AGBL1: variants seen among roughly 807,000 people sequenced by gnomAD.
AGBL1 encodes AGBL carboxypeptidase 1.
Under a neutral mutation model 118.9 loss-of-function variants are expected in AGBL1, and 130 were observed. The ratio of observed to expected loss-of-function variants is 1.09; its 90% CI spans 0.95 to 1.26. AGBL1 has a LOEUF of 1.26. AGBL1 is among the 50% of genes most tolerant of loss of function. AGBL1 has a pLI of 0.00. For synonymous variants in AGBL1, 555 were observed against 478.9 expected (o/e 1.16, Z -2.08); for missense variants, 1,584 against 1,298.1 (o/e 1.22, Z -3.38).
chr15:86,096,808 A>G (rs1290002692), intron 1 of AGBL1, among the ~76,000 whole-genome samples: 2 of 152,126 alleles, frequency 1.3e-5, no homozygotes, highest in Non-Finnish European at 2.9e-5. Flanking sequence ...GTATAGTCCT[A>G]CCCTATGTCC....
chr15:86,740,410 G>T (rs2077660851), intron 22 of AGBL1, among the ~76,000 whole-genome samples: 1 of 152,096 alleles, frequency 6.6e-6, no homozygotes, highest in South Asian at 2.1e-4. Context: ...TAAAATTGTT[G>T]CCAGGTATGC....
At position 86,353,843 on chromosome 15, in the gene AGBL1, C is replaced by T. The variant is rs375303742; in HGVS notation, c.2375-43523C>T. 1.2e-4 allele frequency among the ~76,000 whole-genome samples: 19 copies of T among 152,176 alleles called. No individual in the cohort carries two copies. In the East Asian group the frequency reaches 2.5e-3, roughly 20 times the overall value. Reference sequence around the variant, plus strand: ...CAAAAAACACCCGAGAGATGAGAGTCGTATGAGAACCCAATCATTTAGTTA... The same window carrying T: ...CAAAAAACACCCGAGAGATGAGAGTTGTATGAGAACCCAATCATTTAGTTA... On this transcript the variant is annotated intron_variant, in intron 17 of 22. Transcript: ENST00000614907.
chr15:86,147,400 C>T (rs1300894645), intron 3 of AGBL1, among the ~76,000 whole-genome samples: 1 of 152,206 alleles, frequency 6.6e-6, no homozygotes, highest in Non-Finnish European at 1.5e-5. Context: ...AATGGGGGCA[C>T]TCTCACTTAA....
chr15:86,524,913 A>C (rs915626804), intron 19 of AGBL1, among the ~76,000 whole-genome samples: 2 of 152,214 alleles, frequency 1.3e-5, no homozygotes, highest in Non-Finnish European at 2.9e-5. Context: ...CAATCAGGCA[A>C]GAGAAAGAAA....
intron 19 of AGBL1, among the ~76,000 whole-genome samples, chr15:86,541,259 G>A (rs1025419351): frequency 6.6e-6 from 1 of 152,068 alleles, no homozygotes; most frequent in Non-Finnish European, 1.5e-5. Context: ...AGCATCACCC[G>A]GAAACTTGCC....
chr15:86,755,578 A>C (rs2077925534), intron 22 of AGBL1, among the ~76,000 whole-genome samples: 1 of 152,074 alleles, frequency 6.6e-6, no homozygotes. Flanking sequence ...CCCCTCTTCC[A>C]AGGATTCTTC....
At chr15:86,619,760 G>A (rs1264264000) in intron 21 of AGBL1, among the ~76,000 whole-genome samples, 2 of 152,178 alleles carry the variant, frequency 1.3e-5, no homozygotes, top group Non-Finnish European at 2.9e-5. Flanking sequence ...AATACCCGGG[G>A]CAGAGAGGGC....
At chr15:86,744,041 AAGGGATAC>A (rs1391879563) in intron 22 of AGBL1, among the ~76,000 whole-genome samples, 1 of 152,102 alleles carries the variant, frequency 6.6e-6, no homozygotes, top group Non-Finnish European at 1.5e-5. Context: ...ATTTACTTTC[AAGGGATAC>A]AGATACATAT....
At chr15:86,653,435 C>T (rs1452625208) in intron 21 of AGBL1, among the ~76,000 whole-genome samples, 1 of 152,174 alleles carries the variant, frequency 6.6e-6, no homozygotes, top group Non-Finnish European at 1.5e-5. Context: ...TTTTTGCACT[C>T]AGGCAAATAA....
chr15:86,599,560 G>A (rs1391416147), intron 21 of AGBL1, among the ~76,000 whole-genome samples: 3 of 151,304 alleles, frequency 2.0e-5, no homozygotes, highest in Non-Finnish European at 2.9e-5. Flanking sequence ...GTGGATGAAT[G>A]GATCGATAAG....
At chr15:86,800,561 C>T (rs920737456) in intron 22 of AGBL1, among the ~76,000 whole-genome samples, 1 of 152,034 alleles carries the variant, frequency 6.6e-6, no homozygotes, top group African/African-American at 2.4e-5. Flanking sequence ...TCTCACTTTG[C>T]ATAACTGGTT....
intron 22 of AGBL1, among the ~76,000 whole-genome samples, chr15:86,895,541 G>T (rs1453272253): frequency 6.6e-6 from 1 of 151,916 alleles, no homozygotes; most frequent in Non-Finnish European, 1.5e-5. Context: ...GAAATAAAGG[G>T]ATTTTTTGAG....
intron 17 of AGBL1, among the ~76,000 whole-genome samples, chr15:86,343,780 ATC>A (rs1202691340): frequency 1.3e-5 from 2 of 152,096 alleles, no homozygotes; most frequent in African/African-American, 2.4e-5. Context: ...AGAGAAATTC[ATC>A]TCTTTCTCTA....
chr15:86,557,648 T>C (rs975626257), intron 21 of AGBL1, among the ~76,000 whole-genome samples: 2 of 152,172 alleles, frequency 1.3e-5, no homozygotes, highest in African/African-American at 4.8e-5. Flanking sequence ...ACAAATCTAT[T>C]CAAGTCACAG....
chr15:86,214,416 AATTAT>A (rs879265781), intron 5 of AGBL1, among the ~76,000 whole-genome samples: 8 of 152,330 alleles, frequency 5.3e-5, no homozygotes, highest in Admixed American at 1.3e-4. Context: ...ATATATGCTT[AATTAT>A]ATTATTTACT....
chr15:86,997,452 T>C lies in AGBL1; in HGVS notation c.3323+9364T>C, dbSNP rs1313388779. ...ACATTTGTTTACATGTCAAAAATAA[T>C]TGAAGACTAAATTAATTCTCAGCTT... On this transcript the variant is annotated intron_variant, in intron 24 of 24. Transcript: ENST00000441037. Among the ~76,000 whole-genome samples the C allele has an allele frequency of 3.9e-5, 6 of 152,322 alleles. No individual in the cohort carries two copies. The East Asian group carries it at 9.7e-4, about 25-fold the overall frequency.
At chr15:86,371,777 A>C (rs548737888) in intron 17 of AGBL1, among the ~76,000 whole-genome samples, 1 of 152,230 alleles carries the variant, frequency 6.6e-6, no homozygotes, top group Non-Finnish European at 1.5e-5. Context: ...TGGTGTGGTG[A>C]GGGGAAAGGC....
intron 22 of AGBL1, among the ~76,000 whole-genome samples, chr15:86,773,626 C>T (rs982978422): frequency 6.7e-6 from 1 of 150,188 alleles, no homozygotes; most frequent in African/African-American, 2.4e-5. Flanking sequence ...TGAACATGTA[C>T]CCTAAAACTT....
intron 5 of AGBL1, among the ~76,000 whole-genome samples, chr15:86,180,222 C>T (rs775356003): frequency 1.3e-5 from 2 of 151,408 alleles, no homozygotes; most frequent in Non-Finnish European, 3.0e-5. Flanking sequence ...ATGGAAAGAC[C>T]AAGGACCTAG....
Sources: allele counts gnomAD v4.1 joint callset (sites outside exome capture counted in the v4.1 genomes callset), GRCh38; gene constraint gnomAD v4.1.1; transcripts MANE v1.5; gene names NCBI Gene and HGNC (gene_info 2026-07-23, HGNC 2026-07-21).